Variants in SYNM observed in about 807,000 individuals in gnomAD.
SYNM encodes the protein desmuslin.
SYNM carries 95 observed loss-of-function variants against 104.0 expected under a neutral mutation model. The ratio of observed to expected loss-of-function variants is 0.91; its 90% CI spans 0.77 to 1.08. The LOEUF (loss-of-function observed/expected upper bound fraction) is 1.08. SYNM is among the 50% of genes least tolerant of loss of function. The pLI is 0.00. For missense variants in SYNM, 2,150 were observed against 2,052.2 expected (o/e 1.05, Z -0.92); for synonymous variants, 918 against 869.0 (o/e 1.06, Z -0.99).
chr15:99,134,742 G>T lies in SYNM; in HGVS notation c.*1684G>T, dbSNP rs1426519855. ...GAGCACGTTTTCTTCATTGATAAGT[G>T]GAGGAGAAATGCAGCACAGCTTTCA... On this transcript the variant is annotated 3_prime_UTR_variant, in exon 4 of 4. Transcript: ENST00000336292. 1 of 152,200 alleles carries T rather than the reference G, an allele frequency of 6.6e-6. No individual in the cohort carries two copies. The allele number at this position is 152,200 out of a possible 1,614,324, so 9.4% of individuals were successfully genotyped here. A position where few individuals can be genotyped will look rare whatever the true frequency, so the allele number is the denominator to read the frequency against.
At chr15:99,112,993 G>A (rs950102566) in intron 1 of SYNM, among the ~76,000 whole-genome samples, 11 of 152,340 alleles carry the variant, frequency 7.2e-5, no homozygotes, top group African/African-American at 2.6e-4. Context: ...TTATAGGTGT[G>A]AGCCACCACG....
At position 99,105,910 on chromosome 15, in the gene SYNM, G is replaced by A. The variant is rs1555482665; in HGVS notation, c.711G>A (p.Leu237=). ...TGTGCGCGCAGGAGGCAGAGGCGCT[G>A]CGGCGCGAGGCGCTCGGGTTGGAGC... is the stretch of plus-strand genomic sequence containing the variant. The part of the protein sequence containing the change: ...TRLCAQEAEA[L]RREALGLEQL... The change falls in exon 1 of 4, where the codon CTG becomes CTA. Residue 237 remains leucine, a synonymous_variant. Transcript: ENST00000336292. 6.5e-7 allele frequency: 1 copy of A among 1,532,972 alleles called. No homozygotes were observed. The allele number at this position is 1,532,972 out of a possible 1,614,324, so 95.0% of individuals were successfully genotyped here. A position where few individuals can be genotyped will look rare whatever the true frequency, so the allele number is the denominator to read the frequency against.
rs570217642 is a variant in SYNM, at chr15:99,120,021, G to A, written c.935+6306G>A. Among the ~76,000 whole-genome samples the A allele has an allele frequency of 1.2e-4, 18 of 152,300 alleles. No homozygotes were observed. The South Asian group carries it at 2.1e-3, about 18-fold the overall frequency. The stretch of plus-strand genomic sequence containing the variant: ...GTTTAGTACCTACCATGTGCTAAGC[G>A]CTTTGTAGACTGTATCTGCAATTTT... On this transcript the variant is annotated intron_variant, in intron 2 of 3. Transcript: ENST00000336292.
At position 99,130,809 on chromosome 15, in the gene SYNM, G is replaced by T. The variant is rs2067495063; in HGVS notation, c.2449G>T (p.Glu817Ter). The T allele has an allele frequency of 6.2e-7, 1 of 1,613,892 alleles. No homozygotes were observed. The highest frequency in any genetic ancestry group is 1.3e-5 in the African/African-American group (1 of 74,916). Residue 817 changes from glutamate (E) to a stop codon, truncating the protein, a stop_gained, in exon 4 of 4, where the codon GAA (glutamate) becomes TAA (stop). Coordinates refer to ENST00000336292, the MANE Select transcript of SYNM (RefSeq NM_145728.3). LOFTEE classifies it high-confidence loss of function. ...QPQENTTHVE[E>*]VTEAGDSEGE... ...TCAGGAGAACACGACTCACGTGGAAGAAGTGACAGAGGCAGGTGATTCAGA... is the reference window on the plus strand; with the variant it reads ...TCAGGAGAACACGACTCACGTGGAATAAGTGACAGAGGCAGGTGATTCAGA...
At chr15:99,113,550 G>A (rs2067318843) in intron 1 of SYNM, 41 bp from the exon 2 acceptor site, 1 of 1,609,762 alleles carries the variant, frequency 6.2e-7, no homozygotes, top group Non-Finnish European at 8.5e-7. Flanking sequence ...ACCCAGTAAA[G>A]CTCCAGTTCT....
At chr15:99,127,046 T>C (rs1555485113) in intron 3 of SYNM, among the ~76,000 whole-genome samples, 3 of 152,202 alleles carry the variant, frequency 2.0e-5, no homozygotes, top group Admixed American at 6.5e-5. Context: ...CGGAAGGGGC[T>C]AATGGCACTG....
intron 2 of SYNM, among the ~76,000 whole-genome samples, chr15:99,115,356 A>G (rs1448693538): frequency 6.6e-6 from 1 of 151,998 alleles, no homozygotes; most frequent in South Asian, 2.1e-4. Context: ...GACCATCCCC[A>G]GGCCTAGTTC....
At chr15:99,112,971 A>G (rs1555483568) in intron 1 of SYNM, among the ~76,000 whole-genome samples, 1 of 152,202 alleles carries the variant, frequency 6.6e-6, no homozygotes, top group Non-Finnish European at 1.5e-5. Context: ...TCGGCCTCCC[A>G]AAGTGTTGGG....
downstream of SYNM, chr15:99,139,314 C>G (rs782228663): frequency 6.2e-7 from 1 of 1,611,986 alleles, no homozygotes; most frequent in East Asian, 2.2e-5. Context: ...GACGCCAACT[C>G]ACGTGGACAG....
At position 99,132,224 on chromosome 15, in the gene SYNM, G is replaced by T; in HGVS notation, c.3864G>T (p.Glu1288Asp). 1 of 1,612,356 alleles carries T rather than the reference G, an allele frequency of 6.2e-7. No individual in the cohort carries two copies. The highest frequency in any genetic ancestry group is 8.5e-7 in the Non-Finnish European group (1 of 1,178,714). ...QFTAPLSDKV[E>D]LGVIGDSVHM... ...CAGCTCCACTTTCAGACAAGGTGGA[G>T]TTGGGTGTCATAGGAGATTCTGTAC... The change falls in exon 4 of 4, where the codon GAG becomes GAT. Residue 1288 changes from glutamate to aspartate, a missense_variant. Physicochemically the swap from Glu to Asp is conservative, Grantham distance 45. Transcript: ENST00000336292.
At chr15:99,116,950 C>T (rs2067355363) in intron 2 of SYNM, among the ~76,000 whole-genome samples, 1 of 143,980 alleles carries the variant, frequency 6.9e-6, no homozygotes, top group Admixed American at 7.1e-5. Flanking sequence ...GCTGGGATTA[C>T]AGGCATGAGC....
chr15:99,108,787 G>A (rs1257332570), intron 1 of SYNM, among the ~76,000 whole-genome samples: 3 of 152,138 alleles, frequency 2.0e-5, no homozygotes, highest in Non-Finnish European at 2.9e-5. Context: ...ACCGCTGGGC[G>A]TCCGTTTCTC....
In SYNM at chr15:99,105,609, T is replaced by A. The variant is rs1359192990; in HGVS notation, c.410T>A (p.Leu137Gln). The part of the protein sequence containing the change: ...RAALEALLGR[L>Q]QAERRGLDAA... ...GCCCTCGAGGCGCTGCTGGGCCGGC[T>A]GCAGGCCGAGCGCCGAGGCCTCGAC... The change falls in exon 1 of 4, where the codon CTG (leucine) becomes CAG (glutamine). Residue 137 changes from leucine (L) to glutamine (Q), a missense_variant. Leu to Gln is a moderately radical substitution (Grantham distance 113). Transcript: ENST00000336292. The A allele has an allele frequency of 8.0e-7, 1 of 1,251,748 alleles. No homozygotes were observed. The highest frequency in any genetic ancestry group is 1.0e-6 in the Non-Finnish European group (1 of 998,164). The allele number at this position is 1,251,748 out of a possible 1,614,324, so 77.5% of individuals were successfully genotyped here. A position where few individuals can be genotyped will look rare whatever the true frequency, so the allele number is the denominator to read the frequency against.
intron 3 of SYNM, among the ~76,000 whole-genome samples, chr15:99,128,655 C>T (rs1199483192): frequency 6.6e-6 from 1 of 152,220 alleles, no homozygotes; most frequent in Non-Finnish European, 1.5e-5. Flanking sequence ...AGCGGTTTCC[C>T]CTGCTGGGGT....
In SYNM at chr15:99,129,997, A is replaced by G. The variant is rs782577182; in HGVS notation, c.1637A>G (p.Asp546Gly). 129 of 1,612,772 alleles carry G rather than the reference A, an allele frequency of 8.0e-5. No homozygotes were observed. The highest frequency in any genetic ancestry group is 1.0e-4 in the Non-Finnish European group (120 of 1,179,370). The change falls in exon 4 of 4, where the codon GAT becomes GGT. Residue 546 changes from aspartate to glycine, a missense_variant. Physicochemically the swap from Asp to Gly is moderately conservative, Grantham distance 94. Transcript: ENST00000336292. ...NLRWEELTKL[D>G]KEARQRESQQ... ...AGATGGGAAGAATTGACAAAGTTAG[A>G]TAAGGAAGCGAGACAGAGAGAAAGC...
Position 99,131,114 on chromosome 15 carries a change from C to A in SYNM, c.2754C>A (p.Ala918=). 1 of 1,601,520 alleles carries A rather than the reference C, an allele frequency of 6.2e-7. No homozygotes were observed. Among genetic ancestry groups the A allele is most frequent in the East Asian group, 2.3e-5 (1 of 44,360 alleles). The change falls in exon 4 of 4, where the codon GCC becomes GCA. Residue 918 remains alanine, a synonymous_variant. Coordinates refer to ENST00000336292, the MANE Select transcript of SYNM (RefSeq NM_145728.3). The surrounding 1 kb of genome is among the most constrained non-coding windows in gnomAD (Gnocchi z 4.3). ...KEQARSGEFH[A]EPTVIEKEIK... ...AAGCTAGAAGCGGTGAATTTCATGC[C>A]GAACCCACAGTCATTGAAAAAGAAA...
chr15:99,113,762 A>G, intron 2 of SYNM, 47 bp downstream of exon 2: 18 of 1,605,682 alleles, frequency 1.1e-5, no homozygotes, highest in Non-Finnish European at 1.5e-5. Context: ...ATGGGGGTGT[A>G]ACTTGCACAT....
In SYNM at chr15:99,129,713, C is replaced by A. The variant is rs782089712; in HGVS notation, c.1353C>A (p.Ala451=). ...QVKTFPDRPK[A]GDTREVPVYI... ...AAACATTCCCTGACAGACCAAAAGC[C>A]GGAGATACAAGGGAGGTCCCCGTTT... The change falls in exon 4 of 4, where the codon GCC becomes GCA. Residue 451 remains alanine (A), a synonymous_variant. Coordinates refer to ENST00000336292, the MANE Select transcript of SYNM (RefSeq NM_145728.3). The A allele has an allele frequency of 7.4e-6, 12 of 1,613,618 alleles. No homozygotes were observed. The highest frequency in any genetic ancestry group is 9.3e-6 in the Non-Finnish European group (11 of 1,179,900).
In SYNM at chr15:99,105,816, T is replaced by C. The variant is rs2067231996; in HGVS notation, c.617T>C (p.Val206Ala). Residue 206 changes from valine to alanine, a missense_variant, in exon 1 of 4, where the codon GTG (valine) becomes GCG (alanine). Val to Ala is a moderately conservative substitution (Grantham distance 64). Coordinates refer to ENST00000336292, the MANE Select transcript of SYNM (RefSeq NM_145728.3). ...RETVQLYEDE[V>A]RELEEALRRG... Reference sequence around the variant, plus strand: ...ACGGTGCAGCTGTACGAGGACGAGGTGCGCGAGCTGGAGGAGGCGCTGCGG... The same window carrying C: ...ACGGTGCAGCTGTACGAGGACGAGGCGCGCGAGCTGGAGGAGGCGCTGCGG... The C allele has an allele frequency of 6.5e-7, 1 of 1,539,850 alleles. No homozygotes were observed. The highest frequency in any genetic ancestry group is 1.4e-5 in the African/African-American group (1 of 71,522).
Sources: allele counts gnomAD v4.1 joint callset (sites outside exome capture counted in the v4.1 genomes callset), GRCh38; gene constraint gnomAD v4.1.1; non-coding constraint Gnocchi (gnomAD v3.1); transcripts MANE v1.5; gene names NCBI Gene and HGNC (gene_info 2026-07-23, HGNC 2026-07-21).